The following MEI4 variants were observed in gnomAD, a reference collection of about 807,000 sequenced individuals.
MEI4 encodes meiotic double-stranded break formation protein 4.
In MEI4, 27 loss-of-function variants were observed where a neutral mutation model predicts 31.4. The observed-to-expected ratio is 0.86, with a 90% confidence interval of 0.63 to 1.19. The LOEUF is 1.19. Among genes scored for constraint, MEI4 ranks in the 50% most tolerant of loss-of-function variants. MEI4 has a pLI of 0.00. For synonymous variants in MEI4, 122 were observed against 145.4 expected (o/e 0.84, Z 1.16); for missense variants, 329 against 398.9 (o/e 0.82, Z 1.49).
intron 2 of MEI4, among the ~76,000 whole-genome samples, chr6:77,692,420 A>T (rs1198627059): frequency 6.6e-6 from 1 of 152,048 alleles, no homozygotes; most frequent in African/African-American, 2.4e-5. Context: ...TCAAAGCCTG[A>T]CACACAGAAG....
chr6:77,822,985 G>C (rs780676279), intron 3 of MEI4, among the ~76,000 whole-genome samples: 4 of 151,946 alleles, frequency 2.6e-5, no homozygotes, highest in Admixed American at 1.3e-4. Context: ...TGATAATAGG[G>C]ACTAGCTGAG....
intron 4 of MEI4, among the ~76,000 whole-genome samples, chr6:77,864,023 C>A (rs1582228956): frequency 6.6e-6 from 1 of 151,986 alleles, no homozygotes; most frequent in East Asian, 1.9e-4. Flanking sequence ...TACAGACAAG[C>A]AAATGCTGAG....
intron 1 of MEI4, among the ~76,000 whole-genome samples, chr6:77,675,876 G>C (rs186315318): frequency 1.3e-5 from 2 of 152,158 alleles, no homozygotes; most frequent in Non-Finnish European, 2.9e-5. Flanking sequence ...AATTTCAGCC[G>C]AGTGTCCCTG....
At chr6:77,909,948 A>C (rs1347590063) in intron 4 of MEI4, among the ~76,000 whole-genome samples, 1 of 152,176 alleles carries the variant, frequency 6.6e-6, no homozygotes, top group Non-Finnish European at 1.5e-5. Flanking sequence ...ATAGAACCAA[A>C]GACAAAAACC....
At chr6:77,836,210 C>A (rs1770216232) in intron 4 of MEI4, among the ~76,000 whole-genome samples, 1 of 152,056 alleles carries the variant, frequency 6.6e-6, no homozygotes, top group African/African-American at 2.4e-5. Flanking sequence ...TGATTTTTCA[C>A]AGAAATGTTT....
At chr6:77,733,476 C>T (rs1229865383) in intron 2 of MEI4, among the ~76,000 whole-genome samples, 1 of 151,714 alleles carries the variant, frequency 6.6e-6, no homozygotes, top group Admixed American at 6.6e-5. Flanking sequence ...TGGTGGTATC[C>T]CGTTTATCAT....
rs1445020989 is a variant in MEI4 at position 77,820,885 on chromosome 6, C to G, written c.769-8046C>G. 6.6e-6 allele frequency among the ~76,000 whole-genome samples: 1 copy of G among 151,808 alleles called. No individual in the cohort carries two copies. The highest frequency in any genetic ancestry group is 6.6e-5 in the Admixed American group (1 of 15,234). On this transcript the variant is annotated intron_variant, in intron 3 of 4. Transcript: ENST00000684080. The surrounding 1 kb of genome is among the most constrained non-coding windows in gnomAD (Gnocchi z 4.5). ...TCCATTATTTTTTCCCATGTCGTTTCTTCTCCAGTAGTCTCTCTTAGTTTT... is the reference window on the plus strand; with the variant it reads ...TCCATTATTTTTTCCCATGTCGTTTGTTCTCCAGTAGTCTCTCTTAGTTTT...
intron 3 of MEI4, among the ~76,000 whole-genome samples, chr6:77,800,062 T>C (rs886076973): frequency 3.9e-4 from 59 of 152,274 alleles, no homozygotes; most frequent in South Asian, 1.0e-3. Flanking sequence ...GGGGATGGCA[T>C]TGAATCTATA....
chr6:77,749,663 T>A (rs569908265), intron 2 of MEI4, among the ~76,000 whole-genome samples: 1 of 152,152 alleles, frequency 6.6e-6, no homozygotes, highest in South Asian at 2.1e-4. Flanking sequence ...TGAAAGAGAC[T>A]GGGAGAATGG....
In MEI4 at chr6:77,752,524, T is replaced by G. The variant is rs566854766; in HGVS notation, c.233-8606T>G. 9.9e-5 allele frequency among the ~76,000 whole-genome samples: 15 copies of G among 152,054 alleles called. No homozygotes were observed. The East Asian group carries it at 2.9e-3, about 29-fold the overall frequency. ...CCATTCACAATTGCTACTAAGAGAA[T>G]AAAATACCTAGGAATACAACTTACA... On this transcript the variant is annotated intron_variant, in intron 2 of 4. Transcript: ENST00000684080.
At chr6:77,868,242 C>G (rs200338551) in intron 4 of MEI4, among the ~76,000 whole-genome samples, 7 of 146,714 alleles carry the variant, frequency 4.8e-5, no homozygotes, top group Non-Finnish European at 9.0e-5. Context: ...AAATTAAAAG[C>G]AAAAAAAAAT....
At chr6:77,852,619 G>T (rs1247742882) in intron 4 of MEI4, among the ~76,000 whole-genome samples, 1 of 149,040 alleles carries the variant, frequency 6.7e-6, no homozygotes, top group South Asian at 2.1e-4. Flanking sequence ...TTAGAGACAG[G>T]AAAGTCCAAG....
intron 3 of MEI4, among the ~76,000 whole-genome samples, chr6:77,769,466 T>C (rs1168912698): frequency 6.6e-6 from 1 of 152,090 alleles, no homozygotes; most frequent in Non-Finnish European, 1.5e-5. Flanking sequence ...CCTGGTGCTG[T>C]GTTGGGCTTG....
At chr6:77,698,977 T>G (rs1766131965) in intron 2 of MEI4, among the ~76,000 whole-genome samples, 2 of 152,024 alleles carry the variant, frequency 1.3e-5, no homozygotes. Context: ...CTTTTTATTC[T>G]TTTTTCTCTA....
chr6:77,689,892 T>C (rs1177437011), intron 1 of MEI4, among the ~76,000 whole-genome samples: 2 of 152,030 alleles, frequency 1.3e-5, no homozygotes, highest in African/African-American at 4.8e-5. Context: ...TAATAAAGCC[T>C]GGAGGAGGCC....
chr6:77,786,278 T>C (rs1157220135), intron 3 of MEI4, among the ~76,000 whole-genome samples: 2 of 152,162 alleles, frequency 1.3e-5, no homozygotes, highest in African/African-American at 4.8e-5. Context: ...TGAGTGATTT[T>C]ATGCATGATT....
In MEI4 at chr6:77,680,128, A is replaced by AAAAAAAAAAAAAAAAAAT. The variant is rs1247876878; in HGVS notation, c.-14-10529_-14-10528insAAAAAAAAAAAAAAAATA. Among the ~76,000 whole-genome samples the AAAAAAAAAAAAAAAAAAT allele has an allele frequency of 7.0e-4, 81 of 115,318 alleles. 1 individual carries two copies. The Middle Eastern group carries it at 0.014, about 20-fold the overall frequency. The allele number at this position is 115,318 out of a possible 152,430, so 75.7% of individuals were successfully genotyped here. The stretch of plus-strand genomic sequence containing the variant: ...CTACTAAAAATACAAAAAAAAAAAA[A>AAAAAAAAAAAAAAAAAAT]ATTAGCTGGGCGTGATGGCGGGCGC... On this transcript the variant is annotated intron_variant, in intron 1 of 4. Coordinates refer to ENST00000684080, the MANE Select transcript of MEI4 (RefSeq NM_001322247.2).
intron 2 of MEI4, among the ~76,000 whole-genome samples, chr6:77,705,521 A>G (rs924261853): frequency 6.6e-6 from 1 of 152,244 alleles, no homozygotes; most frequent in Non-Finnish European, 1.5e-5. Context: ...TTGATATAAC[A>G]TGAATTTGAG....
intron 2 of MEI4, among the ~76,000 whole-genome samples, chr6:77,748,266 C>A (rs936809869): frequency 6.6e-6 from 1 of 152,206 alleles, no homozygotes; most frequent in Non-Finnish European, 1.5e-5. Flanking sequence ...GAGGCCTCTC[C>A]CCCTGCAGCA....
Sources: allele counts gnomAD v4.1 joint callset (sites outside exome capture counted in the v4.1 genomes callset), GRCh38; gene constraint gnomAD v4.1.1; non-coding constraint Gnocchi (gnomAD v3.1); transcripts MANE v1.5; gene names NCBI Gene and HGNC (gene_info 2026-07-23, HGNC 2026-07-21).